The following UBE3B variants were observed in gnomAD, a reference collection of about 807,000 sequenced individuals.
UBE3B encodes the protein ubiquitin protein ligase E3B.
In UBE3B, 80 loss-of-function variants were observed where a neutral mutation model predicts 132.3. The ratio of observed to expected loss-of-function variants is 0.60; its 90% CI spans 0.50 to 0.73. The LOEUF (loss-of-function observed/expected upper bound fraction) is 0.73, where lower values mean the gene tolerates loss of function less well. UBE3B is among the 30% of genes least tolerant of loss of function. The pLI is 0.00. For missense variants in UBE3B, 1,196 were observed against 1,362.5 expected, an observed-to-expected ratio of 0.88 and a Z score of 1.92; for synonymous variants, 487 against 520.4, an observed-to-expected ratio of 0.94 and a Z score of 0.87.
intron 1 of UBE3B, among the ~76,000 whole-genome samples, chr12:109,480,674 A>G (rs1875226596): frequency 6.6e-6 from 1 of 151,326 alleles, no homozygotes; most frequent in Admixed American, 6.6e-5. Flanking sequence ...AGACTTAGAC[A>G]TTCTCCCTAT....
intron 9 of UBE3B, among the ~76,000 whole-genome samples, chr12:109,493,477 C>T (rs970852153): frequency 2.6e-5 from 4 of 152,220 alleles, no homozygotes; most frequent in African/African-American, 9.6e-5. Flanking sequence ...CACTTAAATT[C>T]TCCTTTAAGA....
the UBE3B span, among the ~76,000 whole-genome samples, chr12:109,544,947 CCTT>C: frequency 6.6e-6 from 1 of 152,360 alleles, no homozygotes; most frequent in African/African-American, 2.4e-5. Context: ...AGTGCTCTCT[CCTT>C]CTTATAGGTG....
chr12:109,538,467 G>A (rs1883533382), downstream of UBE3B, among the ~76,000 whole-genome samples: 2 of 152,222 alleles, frequency 1.3e-5, no homozygotes, highest in Non-Finnish European at 2.9e-5. The surrounding 1 kb of genome is among the most constrained non-coding windows in gnomAD (Gnocchi z 4.1). Context: ...CAGCCTCCCT[G>A]TGTGTTCCTT....
intron 4 of UBE3B, 76 bp downstream of exon 4, chr12:109,484,057 C>G: frequency 2.8e-6 from 4 of 1,430,012 alleles, no homozygotes; most frequent in Non-Finnish European, 3.8e-6. Context: ...TAACTCAGTT[C>G]TTATAGCAGC....
intron 10 of UBE3B, 101 bp from the exon 11 acceptor site, chr12:109,498,132 C>T (rs1878472574): frequency 6.6e-7 from 1 of 1,520,832 alleles, no homozygotes; most frequent in Non-Finnish European, 8.9e-7. Context: ...TTTGCTAGCA[C>T]ATCCTCCATA....
rs997887989 is a variant in UBE3B, at chr12:109,481,757, CTT to C, written c.-22+17_-22+18del. The C allele has an allele frequency of 1.3e-5, 2 of 152,322 alleles. No individual in the cohort carries two copies. The highest frequency in any genetic ancestry group is 1.3e-4 in the Admixed American group (2 of 15,302). The allele number at this position is 152,322 out of a possible 1,614,324, so 9.4% of individuals were successfully genotyped here. A position where few individuals can be genotyped will look rare whatever the true frequency, so the allele number is the denominator to read the frequency against. On this transcript the variant is annotated intron_variant, in intron 2 of 27. Transcript: ENST00000342494. Reference sequence around the variant, plus strand: ...CAGGTCCTCAGGTGAGATCTCCAGACTTTACTGCTGGGGCAGGAAGCGTAAAT... The same window carrying C: ...CAGGTCCTCAGGTGAGATCTCCAGACTACTGCTGGGGCAGGAAGCGTAAAT...
intron 9 of UBE3B, among the ~76,000 whole-genome samples, chr12:109,496,883 T>C (rs911160350): frequency 6.6e-6 from 1 of 152,222 alleles, no homozygotes; most frequent in Non-Finnish European, 1.5e-5. Flanking sequence ...TTTTAAACTT[T>C]GAAGAAGCAC....
rs1883271491 is a variant in UBE3B at position 109,534,516 on chromosome 12, C to G, written c.3016-75C>G. On this transcript the variant is annotated intron_variant, in intron 27 of 27. Coordinates refer to ENST00000342494, the MANE Select transcript of UBE3B (RefSeq NM_130466.4). The surrounding 1 kb of genome is among the most constrained non-coding windows in gnomAD (Gnocchi z 5.2). ...GGACTGGCCAGATCCCCTCCCTGGG[C>G]TCCCTGGCCTTGGCATCAGCCTGGG... is the stretch of plus-strand genomic sequence containing the variant. 6.5e-7 allele frequency: 1 copy of G among 1,529,874 alleles called. No individual in the cohort carries two copies. Among genetic ancestry groups the G allele is most frequent in the Admixed American group, 2.0e-5 (1 of 48,962 alleles). 94.8% of individuals were successfully genotyped at this position (1,529,874 alleles called of 1,614,324 possible).
chr12:109,480,884 G>T (rs1394112013), intron 1 of UBE3B, among the ~76,000 whole-genome samples: 1 of 152,150 alleles, frequency 6.6e-6, no homozygotes, highest in Non-Finnish European at 1.5e-5. Flanking sequence ...TGCTAGTTTT[G>T]TATCTGTGTG....
chr12:109,501,209 G>A (rs1406662703), intron 12 of UBE3B, among the ~76,000 whole-genome samples, 162 bp from the exon 13 acceptor site: 1 of 152,226 alleles, frequency 6.6e-6, no homozygotes, highest in African/African-American at 2.4e-5. Context: ...CCTCAGCAAT[G>A]ATTTGTTAGT....
the UBE3B span, among the ~76,000 whole-genome samples, chr12:109,544,572 T>C: frequency 6.6e-6 from 1 of 152,136 alleles, no homozygotes; most frequent in Non-Finnish European, 1.5e-5. Context: ...GCCCTCAGCC[T>C]CTGCATCTCC....
chr12:109,498,405 C>T lies in UBE3B; in HGVS notation c.940+52C>T, dbSNP rs555087852. On this transcript the variant is annotated intron_variant, in intron 11 of 27. Transcript: ENST00000342494. The stretch of plus-strand genomic sequence containing the variant: ...TGTGTCCTGGCCATCAGGGAAAGCC[C>T]GAGTGTTTTGCCTGTCACTATTCTA... 183 of 1,585,948 alleles carry T rather than the reference C, an allele frequency of 1.2e-4. 3 individuals are homozygous for T. The Middle Eastern group carries it at 1.2e-3, about 10-fold the overall frequency.
intron 12 of UBE3B, among the ~76,000 whole-genome samples, chr12:109,500,905 T>C (rs1878903832): frequency 6.6e-6 from 1 of 152,140 alleles, no homozygotes; most frequent in Non-Finnish European, 1.5e-5. Context: ...CTCACCTTCT[T>C]GAGCAGGAAG....
chr12:109,509,566 G>T, intron 15 of UBE3B, 30 bp from the exon 16 acceptor site: 1 of 1,488,242 alleles, frequency 6.7e-7, no homozygotes, highest in Non-Finnish European at 9.2e-7. Context: ...TTTCAGTGTG[G>T]AATTGTGGGT....
intron 24 of UBE3B, 42 bp downstream of exon 24, chr12:109,526,458 G>C: frequency 3.8e-6 from 6 of 1,584,442 alleles, no homozygotes; most frequent in Non-Finnish European, 5.2e-6. Flanking sequence ...CACTTGAAAA[G>C]ACTTCATTCT....
chr12:109,498,377 G>C, intron 11 of UBE3B, 24 bp downstream of exon 11: 1 of 1,609,424 alleles, frequency 6.2e-7, no homozygotes, highest in Non-Finnish European at 8.5e-7. Context: ...GCTGGAACTT[G>C]ATTGTGTCCT....
chr12:109,530,083 G>C lies in UBE3B; in HGVS notation c.2810+11G>C. 1 of 1,612,508 alleles carries C rather than the reference G, an allele frequency of 6.2e-7. No homozygotes were observed. Among genetic ancestry groups the C allele is most frequent in the Non-Finnish European group, 8.5e-7 (1 of 1,178,794 alleles). On this transcript the variant is annotated intron_variant, in intron 25 of 27. Transcript: ENST00000342494. The stretch of plus-strand genomic sequence containing the variant: ...TCTGGAAGATTTAAAGTAAGAGGCG[G>C]GTGGGGGGAAGGGTGAAATTCCTTG...
At chr12:109,504,034 T>C in intron 14 of UBE3B, among the ~76,000 whole-genome samples, 1 of 152,194 alleles carries the variant, frequency 6.6e-6, no homozygotes, top group Non-Finnish European at 1.5e-5. Flanking sequence ...TGTATTCTAG[T>C]AGTGGGGAGA....
At chr12:109,502,661 G>A (rs1411701772) in intron 13 of UBE3B, among the ~76,000 whole-genome samples, 2 of 152,110 alleles carry the variant, frequency 1.3e-5, no homozygotes, top group Non-Finnish European at 2.9e-5. Flanking sequence ...ACAGAAAATA[G>A]AGATGTAGCC....
Sources: allele counts gnomAD v4.1 joint callset (sites outside exome capture counted in the v4.1 genomes callset), GRCh38; gene constraint gnomAD v4.1.1; non-coding constraint Gnocchi (gnomAD v3.1); transcripts MANE v1.5; gene names NCBI Gene and HGNC (gene_info 2026-07-23, HGNC 2026-07-21).